ATG16L1: variants seen among roughly 807,000 people sequenced by gnomAD.
ATG16L1 encodes the protein autophagy related 16 like 1.
ATG16L1 carries 37 observed loss-of-function variants against 88.5 expected under a neutral mutation model. The ratio of observed to expected loss-of-function variants is 0.42; its 90% CI spans 0.32 to 0.55. ATG16L1 has a LOEUF of 0.55. Ranked by LOEUF, ATG16L1 falls within the 20% of genes least tolerant of loss-of-function variation. The pLI is 0.13. For missense variants in ATG16L1, 554 were observed against 752.8 expected (o/e 0.74, Z 3.09); for synonymous variants, 301 against 281.0 (o/e 1.07, Z -0.71).
intron 12 of ATG16L1, among the ~76,000 whole-genome samples, chr2:233,287,051 T>C (rs1284913649): frequency 6.6e-6 from 1 of 152,186 alleles, no homozygotes; most frequent in African/African-American, 2.4e-5. Flanking sequence ...AAGAAAGCTG[T>C]GTGCTCATAG....
intron 1 of ATG16L1, among the ~76,000 whole-genome samples, chr2:233,253,331 GGTTTTTTTGT>G (rs1696520419): frequency 9.7e-6 from 1 of 102,756 alleles, no homozygotes; most frequent in African/African-American, 3.2e-5. Flanking sequence ...GGTGAGACTG[GGTTTTTTTGT>G]TTTTTTTTTT....
At chr2:233,275,851 G>C (rs765137941) in intron 9 of ATG16L1, 37 of 519,078 alleles carry the variant, frequency 7.1e-5, no homozygotes, top group Admixed American at 7.0e-4. Context: ...GGATCATGGA[G>C]CAGCTGATAA....
rs1699511844 is a variant in ATG16L1 at position 233,292,289 on chromosome 2, T to C, written c.1580+12T>C. ...AAGCAGACATTCAGGTAACTGAAGA[T>C]GTGCTGGTTGCATGAAGACCAGAGG... On this transcript the variant is annotated intron_variant, in intron 15 of 17. Transcript: ENST00000392017. 5 of 1,614,074 alleles carry C rather than the reference T, an allele frequency of 3.1e-6. No individual in the cohort carries two copies. The highest frequency in any genetic ancestry group is 1.3e-5 in the African/African-American group (1 of 74,912).
intron 5 of ATG16L1, among the ~76,000 whole-genome samples, chr2:233,268,652 C>T (rs931547167): frequency 6.6e-6 from 1 of 152,092 alleles, no homozygotes; most frequent in East Asian, 1.9e-4. Flanking sequence ...CACCTTATAC[C>T]GAGATTCTGG....
At chr2:233,277,355 TTGC>T in intron 9 of ATG16L1, 1 of 466,606 alleles carries the variant, frequency 2.1e-6, no homozygotes, top group South Asian at 2.4e-5. Flanking sequence ...TTTGAGAAGG[TTGC>T]ACTGCACTCT....
chr2:233,266,228 CGGG>C (rs1697568357), intron 5 of ATG16L1: 1 of 144,506 alleles, frequency 6.9e-6, no homozygotes, highest in South Asian at 2.1e-4. Context: ...GAGGCGGAGG[CGGG>C]AGGATCGCTT....
intron 1 of ATG16L1, among the ~76,000 whole-genome samples, chr2:233,255,363 A>C (rs1485780085): frequency 6.6e-6 from 1 of 152,058 alleles, no homozygotes; most frequent in African/African-American, 2.4e-5. Context: ...TGGAAAGAGA[A>C]CTCATTTCCT....
chr2:233,275,974 G>C, intron 9 of ATG16L1: 1 of 518,978 alleles, frequency 1.9e-6, no homozygotes, highest in Non-Finnish European at 3.8e-6. Flanking sequence ...GTGTGATGGT[G>C]CATGATCTCA....
At chr2:233,282,508 C>T (rs532139765) in intron 11 of ATG16L1, among the ~76,000 whole-genome samples, 174 bp from the exon 12 acceptor site, 3 of 152,226 alleles carry the variant, frequency 2.0e-5, no homozygotes, top group South Asian at 4.1e-4. Context: ...GGTCTGAACT[C>T]GAAGGAGACT....
chr2:233,294,821 G>A lies in ATG16L1; in HGVS notation c.*471G>A, dbSNP rs1699702612. The A allele has an allele frequency of 6.5e-6, 1 of 153,160 alleles. No individual in the cohort carries two copies. Among genetic ancestry groups the A allele is most frequent in the Non-Finnish European group, 1.5e-5 (1 of 68,358 alleles). The allele number at this position is 153,160 out of a possible 1,614,324, so 9.5% of individuals were successfully genotyped here. ...ACTCACTTTAAGCATTGGATTAACG[G>A]AAACTCCCGAACTACAGACCCCTCC... On this transcript the variant is annotated 3_prime_UTR_variant, in exon 18 of 18. Transcript: ENST00000392017.
In ATG16L1 at chr2:233,292,136, G is replaced by A. The variant is rs369878971; in HGVS notation, c.1439G>A (p.Ser480Asn). Residue 480 changes from serine (S) to asparagine (N), a missense_variant, in exon 15 of 18, where the codon AGC (serine) becomes AAC (asparagine). By Grantham distance (46) the Ser-to-Asn change is conservative. Transcript: ENST00000392017. Reference sequence around the variant, plus strand: ...TCTGTTCTCCCTCTTAGATCAGAGAGCATAGTTCGAGAGATGGAGCTGTTG... The same window carrying A: ...TCTGTTCTCCCTCTTAGATCAGAGAACATAGTTCGAGAGATGGAGCTGTTG... ...KIRFWDIRSE[S>N]IVREMELLGK... 1.9e-5 allele frequency: 31 copies of A among 1,614,116 alleles called. No homozygotes were observed. Among genetic ancestry groups the A allele is most frequent in the Admixed American group, 5.0e-5 (3 of 60,006 alleles).
chr2:233,292,527 C>G, intron 16 of ATG16L1, 93 bp downstream of exon 16: 1 of 1,484,582 alleles, frequency 6.7e-7, no homozygotes, highest in Non-Finnish European at 9.3e-7. Context: ...AAATTTTGTT[C>G]AGTGCCCAAC....
intron 5 of ATG16L1, among the ~76,000 whole-genome samples, chr2:233,265,778 T>A (rs991745170): frequency 2.0e-5 from 3 of 152,154 alleles, no homozygotes; most frequent in African/African-American, 4.8e-5. Context: ...ATTGATAGAT[T>A]TTTTAAGAAT....
At position 233,273,617 on chromosome 2, in the gene ATG16L1, G is replaced by A. The variant is rs1698134960; in HGVS notation, c.795-104G>A. The A allele has an allele frequency of 8.1e-6, 9 of 1,111,598 alleles. No homozygotes were observed. In the South Asian group the frequency reaches 1.1e-4, roughly 13 times the overall value. 68.9% of individuals were successfully genotyped at this position (1,111,598 alleles called of 1,614,324 possible). ...CTCTTGGCTGGGGTTTGGGAACTAAGTGGGAAACATATTCCCAGTTACCTG... is the reference window on the plus strand; with the variant it reads ...CTCTTGGCTGGGGTTTGGGAACTAAATGGGAAACATATTCCCAGTTACCTG... On this transcript the variant is annotated intron_variant, in intron 7 of 17. Coordinates refer to ENST00000392017, the MANE Select transcript of ATG16L1 (RefSeq NM_030803.7).
At chr2:233,263,462 A>G (rs900955233) in intron 3 of ATG16L1, among the ~76,000 whole-genome samples, 1 of 152,166 alleles carries the variant, frequency 6.6e-6, no homozygotes, top group Non-Finnish European at 1.5e-5. Flanking sequence ...GCCAGTTACC[A>G]TGCTCCAAAA....
At chr2:233,271,335 A>G (rs1281546591) in intron 6 of ATG16L1, among the ~76,000 whole-genome samples, 1 of 152,148 alleles carries the variant, frequency 6.6e-6, no homozygotes, top group Non-Finnish European at 1.5e-5. Context: ...CTGGAGTGCA[A>G]TGGTGCAATC....
Position 233,269,996 on chromosome 2 carries a change from C to A in ATG16L1, c.642-6C>A. 6.4e-7 allele frequency: 1 copy of A among 1,565,724 alleles called. No homozygotes were observed. The highest frequency in any genetic ancestry group is 8.6e-7 in the Non-Finnish European group (1 of 1,162,426). ...TGGTGGGCTTTTTTTTTTTTTTTCC[C>A]AACAGGAGGCGGCAAGCCCGGCTGC... On this transcript the variant is annotated splice_region_variant and splice_polypyrimidine_tract_variant and intron_variant, in intron 5 of 17. Coordinates refer to ENST00000392017, the MANE Select transcript of ATG16L1 (RefSeq NM_030803.7).
At chr2:233,280,508 A>T (rs1402297194) in intron 10 of ATG16L1, among the ~76,000 whole-genome samples, 1 of 152,210 alleles carries the variant, frequency 6.6e-6, no homozygotes, top group Non-Finnish European at 1.5e-5. Flanking sequence ...TTCGCTTGCC[A>T]GGATCTTAGA....
rs6748547 is a variant in ATG16L1 at position 233,294,120 on chromosome 2, G to A, written c.1731-137G>A. On this transcript the variant is annotated intron_variant, in intron 17 of 17. Coordinates refer to ENST00000392017, the MANE Select transcript of ATG16L1 (RefSeq NM_030803.7). ...TGTTAGTGAGCTCCTGCCTTGTCGC[G>A]GGCACAGTGCCAGAGAGTAAAATGG... 0.056 allele frequency: 33,228 copies of A among 589,396 alleles called. 1,255 individuals are homozygous for A. The highest frequency in any genetic ancestry group is 0.13 in the South Asian group (5,446 of 40,478). The allele number at this position is 589,396 out of a possible 1,614,324, so 36.5% of individuals were successfully genotyped here.
Sources: gnomAD v4.1 joint callset for allele counts (sites outside exome capture counted in the v4.1 genomes callset) on GRCh38, gnomAD v4.1.1 for gene constraint, MANE v1.5 for transcripts, NCBI Gene and HGNC (gene_info 2026-07-23, HGNC 2026-07-21) for gene names.